RFX3: variants seen among roughly 807,000 people sequenced by gnomAD.
The protein encoded by RFX3 is transcription factor RFX3.
In RFX3, 14 loss-of-function variants were observed where a neutral mutation model predicts 98.6. That is an observed-to-expected ratio of 0.14 (90% CI 0.09 to 0.22). The LOEUF is 0.22. RFX3 is among the 10% of genes least tolerant of loss of function. RFX3 has a pLI of 1.00. For missense variants in RFX3, 639 were observed against 926.9 expected (o/e 0.69, Z 4.03); for synonymous variants, 383 against 328.4 (o/e 1.17, Z -1.80).
chr9:3,457,874 T>C (rs1358803514), intron 1 of RFX3, among the ~76,000 whole-genome samples: 2 of 152,054 alleles, frequency 1.3e-5, no homozygotes, highest in East Asian at 3.9e-4. Context: ...CTTCAAGGAA[T>C]CTAGACAGAA....
chr9:3,271,344 T>A (rs1824408616), intron 9 of RFX3, among the ~76,000 whole-genome samples: 1 of 152,058 alleles, frequency 6.6e-6, no homozygotes, highest in African/African-American at 2.4e-5. Context: ...TTAAGCAGGA[T>A]AACATTCTTT....
intron 2 of RFX3, among the ~76,000 whole-genome samples, chr9:3,356,155 TGGAAGGAA>T (rs71495494): frequency 0.011 from 1,348 of 125,734 alleles, 5 homozygotes; most frequent in African/African-American, 0.017. Context: ...CTAGAATAAG[TGGAAGGAA>T]GGAAGGAAGG....
intron 1 of RFX3, among the ~76,000 whole-genome samples, chr9:3,427,080 G>C (rs919791754): frequency 2.6e-5 from 4 of 151,538 alleles, no homozygotes; most frequent in Non-Finnish European, 5.9e-5. Context: ...ATGCATACAT[G>C]AGCCTTTTTC....
intron 1 of RFX3, among the ~76,000 whole-genome samples, chr9:3,400,764 A>C (rs1841400593): frequency 6.6e-6 from 1 of 152,228 alleles, no homozygotes; most frequent in Admixed American, 6.5e-5. Flanking sequence ...CAGGCACTAC[A>C]CTAAGTGCTT....
intron 2 of RFX3, among the ~76,000 whole-genome samples, chr9:3,354,431 A>G (rs928053891): frequency 6.6e-6 from 1 of 151,970 alleles, no homozygotes; most frequent in Admixed American, 6.6e-5. Context: ...AGTGCATTAT[A>G]ATTAATATGC....
At chr9:3,263,768 G>T (rs1029009950) in intron 12 of RFX3, among the ~76,000 whole-genome samples, 1 of 152,070 alleles carries the variant, frequency 6.6e-6, no homozygotes, top group African/African-American at 2.4e-5. Flanking sequence ...AGATTGATCC[G>T]AATGGACCAC....
In RFX3 at chr9:3,487,348, T is replaced by C. The variant is rs138067980; in HGVS notation, c.-9+38399A>G. ...ATGTTTAATATGGACAGTTTCTATT[T>C]TGATTTTTATAATTTTTCACATTTA... On this transcript the variant is annotated intron_variant, in intron 1 of 16. Coordinates refer to ENST00000617270, the MANE Select transcript of RFX3 (RefSeq NM_001282116.2). Among the ~76,000 whole-genome samples, 447 of 152,332 alleles carry C rather than the reference T, an allele frequency of 2.9e-3. 1 individual carries two copies. The Middle Eastern group carries it at 0.031, about 10-fold the overall frequency.
At chr9:3,434,125 T>C (rs915703679) in intron 1 of RFX3, among the ~76,000 whole-genome samples, 1 of 152,160 alleles carries the variant, frequency 6.6e-6, no homozygotes, top group African/African-American at 2.4e-5. Flanking sequence ...CTGACGATAC[T>C]ATTCAGAGAA....
At position 3,474,913 on chromosome 9, in the gene RFX3, A is replaced by G. The variant is rs186557525; in HGVS notation, c.-9+50834T>C. On this transcript the variant is annotated intron_variant, in intron 1 of 16. Transcript: ENST00000617270. The stretch of plus-strand genomic sequence containing the variant: ...CCAAGAGTTGAAGACCAGCCTGGGC[A>G]ACACAGGAAGATCCCATCTCCACAA... 6.8e-3 allele frequency among the ~76,000 whole-genome samples: 1,031 copies of G among 152,236 alleles called. 13 individuals carry two copies. Among genetic ancestry groups the G allele is most frequent in the African/African-American group, 0.024 (988 of 41,526 alleles).
chr9:3,284,489 A>G (rs1284073179), intron 7 of RFX3, among the ~76,000 whole-genome samples: 2 of 151,698 alleles, frequency 1.3e-5, no homozygotes, highest in Non-Finnish European at 3.0e-5. Context: ...TTTTAAAAAA[A>G]CTGTTACACA....
At chr9:3,315,719 A>C (rs556301021) in intron 4 of RFX3, among the ~76,000 whole-genome samples, 2 of 152,338 alleles carry the variant, frequency 1.3e-5, no homozygotes, top group South Asian at 2.1e-4. Context: ...TAGAAATACA[A>C]ACTACCATCA....
intron 2 of RFX3, among the ~76,000 whole-genome samples, chr9:3,349,585 A>G (rs28723588): frequency 6.6e-6 from 1 of 151,850 alleles, no homozygotes; most frequent in Admixed American, 6.6e-5. Flanking sequence ...TACTGCCCCC[A>G]CACCCCCAAC....
At chr9:3,340,957 A>C (rs1226249871) in intron 3 of RFX3, among the ~76,000 whole-genome samples, 2 of 152,350 alleles carry the variant, frequency 1.3e-5, no homozygotes, top group East Asian at 3.9e-4. Context: ...ATGCACACAT[A>C]TGTTTATTGC....
At chr9:3,422,292 C>G (rs370506572) in intron 1 of RFX3, among the ~76,000 whole-genome samples, 9 of 152,294 alleles carry the variant, frequency 5.9e-5, no homozygotes, top group African/African-American at 2.2e-4. Context: ...TTCTACATTC[C>G]CAAACTGACC....
intron 1 of RFX3, among the ~76,000 whole-genome samples, chr9:3,426,517 A>G (rs1192859107): frequency 1.3e-5 from 2 of 152,084 alleles, no homozygotes; most frequent in Non-Finnish European, 2.9e-5. Flanking sequence ...GGAGGTGAGC[A>G]AGAGGTGAGC....
intron 5 of RFX3, among the ~76,000 whole-genome samples, chr9:3,300,105 C>T (rs373249813): frequency 6.6e-6 from 1 of 151,394 alleles, no homozygotes; most frequent in African/African-American, 2.4e-5. Flanking sequence ...TCATCACCCC[C>T]CGGACACACA....
At chr9:3,498,312 ATTTCAAAAAATG>A (rs1353776189) in intron 1 of RFX3, among the ~76,000 whole-genome samples, 1 of 152,050 alleles carries the variant, frequency 6.6e-6, no homozygotes, top group Non-Finnish European at 1.5e-5. Flanking sequence ...TTAGTTCTTA[ATTTCAAAAAATG>A]TTGTTCATGT....
chr9:3,375,446 A>G (rs983415750), intron 2 of RFX3, among the ~76,000 whole-genome samples: 2 of 152,220 alleles, frequency 1.3e-5, no homozygotes, highest in Non-Finnish European at 2.9e-5. Flanking sequence ...CCATCTAACC[A>G]TATATTACCA....
chr9:3,362,817 G>A (rs1836611915), intron 2 of RFX3, among the ~76,000 whole-genome samples: 1 of 152,138 alleles, frequency 6.6e-6, no homozygotes, highest in African/African-American at 2.4e-5. Flanking sequence ...AAAATAGACT[G>A]GCATCAAAGA....
Sources: allele counts gnomAD v4.1 joint callset (sites outside exome capture counted in the v4.1 genomes callset), GRCh38; gene constraint gnomAD v4.1.1; transcripts MANE v1.5; gene names NCBI Gene and HGNC (gene_info 2026-07-23, HGNC 2026-07-21).